The following EDAR variants were observed in gnomAD, a reference collection of about 807,000 sequenced individuals.
EDAR encodes the protein tumor necrosis factor receptor superfamily member EDAR.
Under a neutral mutation model 51.3 loss-of-function variants are expected in EDAR, and 38 were observed. The observed-to-expected ratio is 0.74, with a 90% confidence interval of 0.57 to 0.97. The LOEUF is 0.97. Ranked by LOEUF, EDAR falls within the 50% of genes least tolerant of loss-of-function variation. The pLI, the probability that EDAR is intolerant of heterozygous loss-of-function variation, is 0.00. For missense variants in EDAR, 528 were observed against 595.0 expected, an observed-to-expected ratio of 0.89 and a Z score of 1.17; for synonymous variants, 227 against 242.1, an observed-to-expected ratio of 0.94 and a Z score of 0.58.
chr2:108,958,594 C>T (rs963632582), intron 1 of EDAR, among the ~76,000 whole-genome samples: 18 of 152,038 alleles, frequency 1.2e-4, no homozygotes, highest in African/African-American at 3.1e-4. Context: ...ACCCCATGGC[C>T]GCCCTATTGC....
intron 1 of EDAR, among the ~76,000 whole-genome samples, chr2:108,974,187 G>A (rs971595692): frequency 6.6e-6 from 1 of 151,644 alleles, no homozygotes; most frequent in African/African-American, 2.4e-5. Flanking sequence ...AAAATTAGCT[G>A]GGCGTGGTGG....
At chr2:108,930,660 C>T (rs947501922) in intron 2 of EDAR, among the ~76,000 whole-genome samples, 2 of 152,138 alleles carry the variant, frequency 1.3e-5, no homozygotes, top group African/African-American at 4.8e-5. Flanking sequence ...TTCTTAGCTG[C>T]GCGGCCCCCA....
Position 108,986,726 on chromosome 2 carries a change from A to G in EDAR, c.-19+2234T>C, listed in dbSNP as rs79125275. Among the ~76,000 whole-genome samples, 1,089 of 152,354 alleles carry G rather than the reference A, an allele frequency of 7.1e-3. 9 individuals are homozygous for G. Among genetic ancestry groups the G allele is most frequent in the South Asian group, 0.028 (135 of 4,830 alleles). On this transcript the variant is annotated intron_variant, in intron 1 of 11. Coordinates refer to ENST00000258443, the MANE Select transcript of EDAR (RefSeq NM_022336.4). The stretch of plus-strand genomic sequence containing the variant: ...TGTACAGCAGAGGTTAAATGATTAG[A>G]CATCAGCTTATGTTTCCTTGCTTTA...
chr2:108,952,760 G>A lies in EDAR; in HGVS notation c.-18-21728C>T, dbSNP rs113749490. Among the ~76,000 whole-genome samples, 1,204 of 152,024 alleles carry A rather than the reference G, an allele frequency of 7.9e-3. 9 individuals carry two copies. The highest frequency in any genetic ancestry group is 0.029 in the South Asian group (139 of 4,816). On this transcript the variant is annotated intron_variant, in intron 1 of 11. Coordinates refer to ENST00000258443, the MANE Select transcript of EDAR (RefSeq NM_022336.4). ...ATGGGTCACATTTTCCTATTTCTTC[G>A]TATGTGTGGTAATGTTTTATCATAT...
intron 1 of EDAR, among the ~76,000 whole-genome samples, chr2:108,933,500 G>A (rs989651651): frequency 1.2e-4 from 18 of 152,156 alleles, no homozygotes; most frequent in African/African-American, 2.9e-4. Context: ...CTTGGGTCTC[G>A]GCTGTTGGCC....
Position 108,926,102 on chromosome 2 carries a change from C to G in EDAR, c.357-2649G>C, listed in dbSNP as rs147490278. Among the ~76,000 whole-genome samples, 720 of 152,318 alleles carry G rather than the reference C, an allele frequency of 4.7e-3. 12 individuals are homozygous for G. The highest frequency in any genetic ancestry group is 0.017 in the African/African-American group (687 of 41,556). ...CTAGGCTAAACTCCTCACCGCCTGG[C>G]TTACACCTGGGTCTCTCATCCTGGG... On this transcript the variant is annotated intron_variant, in intron 4 of 11. Coordinates refer to ENST00000258443, the MANE Select transcript of EDAR (RefSeq NM_022336.4).
At chr2:108,919,023 C>A (rs1192782127) in intron 5 of EDAR, among the ~76,000 whole-genome samples, 1 of 152,102 alleles carries the variant, frequency 6.6e-6, no homozygotes, top group Non-Finnish European at 1.5e-5. Flanking sequence ...GAGTCTCGGG[C>A]CCACTGGGAC....
intron 5 of EDAR, among the ~76,000 whole-genome samples, chr2:108,913,864 G>A (rs1288871772): frequency 1.3e-5 from 2 of 150,994 alleles, no homozygotes; most frequent in African/African-American, 4.9e-5. Flanking sequence ...GCAGGAGAAT[G>A]GCGTGAACCC....
At chr2:108,921,902 C>T (rs901647691) in intron 5 of EDAR, among the ~76,000 whole-genome samples, 1 of 152,224 alleles carries the variant, frequency 6.6e-6, no homozygotes, top group African/African-American at 2.4e-5. Flanking sequence ...CCTTCAGGGC[C>T]GGATTCTAAG....
intron 1 of EDAR, among the ~76,000 whole-genome samples, chr2:108,973,188 A>G (rs1698265340): frequency 6.6e-6 from 1 of 152,168 alleles, no homozygotes; most frequent in Admixed American, 6.5e-5. Flanking sequence ...GGGTTTCACC[A>G]TGTTGGCCAG....
intron 1 of EDAR, among the ~76,000 whole-genome samples, chr2:108,969,597 T>G (rs1698204253): frequency 1.3e-5 from 2 of 152,208 alleles, no homozygotes; most frequent in Admixed American, 6.5e-5. Context: ...TTTTATTCCC[T>G]TTATTTCTCA....
At chr2:108,976,455 G>T (rs1446948539) in intron 1 of EDAR, among the ~76,000 whole-genome samples, 1 of 152,174 alleles carries the variant, frequency 6.6e-6, no homozygotes, top group African/African-American at 2.4e-5. Flanking sequence ...TGACTGGCAG[G>T]ATTCCCCACT....
At chr2:108,949,988 G>T (rs553105244) in intron 1 of EDAR, among the ~76,000 whole-genome samples, 4 of 152,180 alleles carry the variant, frequency 2.6e-5, no homozygotes, top group African/African-American at 9.7e-5. Flanking sequence ...TGTGGAGATT[G>T]GGTGCAGCAA....
intron 1 of EDAR, among the ~76,000 whole-genome samples, chr2:108,942,527 G>A (rs777445538): frequency 2.0e-4 from 31 of 152,258 alleles, no homozygotes; most frequent in Non-Finnish European, 3.1e-4. Context: ...CCACGGCGAC[G>A]GCAGGGGCCA....
At chr2:108,948,314 G>A (rs1023277039) in intron 1 of EDAR, among the ~76,000 whole-genome samples, 4 of 152,166 alleles carry the variant, frequency 2.6e-5, no homozygotes, top group East Asian at 1.9e-4. Flanking sequence ...AGTTCCAAAC[G>A]TTCCCATGTC....
intron 5 of EDAR, 142 bp downstream of exon 5, chr2:108,923,226 G>C: frequency 2.4e-6 from 2 of 817,076 alleles, no homozygotes; most frequent in Non-Finnish European, 4.2e-6. Context: ...TGCCTGGACA[G>C]GCCACAGGAG....
chr2:108,943,805 C>CCT (rs1384265906), intron 1 of EDAR, among the ~76,000 whole-genome samples: 1 of 152,114 alleles, frequency 6.6e-6, no homozygotes, highest in East Asian at 1.9e-4. Context: ...CCGCAGCACA[C>CCT]CTCAGGCTGG....
chr2:108,968,310 G>C (rs1450349179), intron 1 of EDAR, among the ~76,000 whole-genome samples: 3 of 152,156 alleles, frequency 2.0e-5, no homozygotes, highest in Non-Finnish European at 4.4e-5. Flanking sequence ...AAGATGGAAT[G>C]GTTTAGCTCA....
intron 5 of EDAR, among the ~76,000 whole-genome samples, chr2:108,921,704 G>A (rs1207773539): frequency 6.6e-6 from 1 of 152,196 alleles, no homozygotes. Context: ...ACCAGGGCAG[G>A]CCCAGGGGTG....
Sources: gnomAD v4.1 joint callset for allele counts (sites outside exome capture counted in the v4.1 genomes callset) on GRCh38, gnomAD v4.1.1 for gene constraint, MANE v1.5 for transcripts, NCBI Gene and HGNC (gene_info 2026-07-23, HGNC 2026-07-21) for gene names.